The following OVGP1 variants were observed in gnomAD, a reference collection of about 807,000 sequenced individuals.
OVGP1 encodes oviduct-specific glycoprotein.
OVGP1 carries 26 observed loss-of-function variants against 48.2 expected under a neutral mutation model. That is an observed-to-expected ratio of 0.54 (90% CI 0.40 to 0.75). The LOEUF is 0.75. Among genes scored for constraint, OVGP1 ranks in the 30% least tolerant of loss-of-function variants. The probability of loss-of-function intolerance (pLI) is 0.00; values close to 1 mark genes in which losing one functional copy is unlikely to be tolerated. For synonymous variants in OVGP1, 294 were observed against 305.7 expected, an observed-to-expected ratio of 0.96 and a Z score of 0.40; for missense variants, 791 against 820.6, an observed-to-expected ratio of 0.96 and a Z score of 0.44.
chr1:111,427,133 C>A, intron 1 of OVGP1, 42 bp from the exon 2 acceptor site: 1 of 1,613,754 alleles, frequency 6.2e-7, no homozygotes, highest in Non-Finnish European at 8.5e-7. Flanking sequence ...GATTCATACC[C>A]TCACCAGAGT....
intron 8 of OVGP1, among the ~76,000 whole-genome samples, chr1:111,420,386 A>G (rs997044338): frequency 2.6e-5 from 4 of 152,210 alleles, no homozygotes; most frequent in Non-Finnish European, 5.9e-5. Flanking sequence ...CATTGTTTCA[A>G]CTATGCCAGC....
chr1:111,424,066 C>T (rs1652340501), intron 4 of OVGP1, among the ~76,000 whole-genome samples: 1 of 152,240 alleles, frequency 6.6e-6, no homozygotes, highest in African/African-American at 2.4e-5. Context: ...GGCACTGCCC[C>T]TCTCTGTGCT....
intron 9 of OVGP1, among the ~76,000 whole-genome samples, chr1:111,418,170 A>G (rs763762087): frequency 6.2e-4 from 94 of 152,148 alleles, no homozygotes; most frequent in Non-Finnish European, 1.0e-3. Context: ...ACCATCCCCA[A>G]CCTGGCTTCA....
chr1:111,417,257 G>A (rs893914490), intron 9 of OVGP1, among the ~76,000 whole-genome samples: 3 of 152,136 alleles, frequency 2.0e-5, no homozygotes, highest in Non-Finnish European at 4.4e-5. Context: ...TTATCTCACC[G>A]TGATGCTATA....
intron 9 of OVGP1, among the ~76,000 whole-genome samples, chr1:111,417,704 T>C (rs1477684424): frequency 6.6e-6 from 1 of 151,996 alleles, no homozygotes; most frequent in Non-Finnish European, 1.5e-5. Flanking sequence ...GGACAGAATA[T>C]TTATTACTCA....
chr1:111,422,978 G>GAAACAGCAGC lies in OVGP1; in HGVS notation c.547_556dup (p.Ser186CysfsTer15). 2 of 1,614,162 alleles carry GAAACAGCAGC rather than the reference G, an allele frequency of 1.2e-6. No homozygotes were observed. The highest frequency in any genetic ancestry group is 1.7e-6 in the Non-Finnish European group (2 of 1,180,016). On this transcript the variant is annotated frameshift_variant, in exon 6 of 11. Transcript: ENST00000369732. LOFTEE classifies it high-confidence loss of function. ...TGTTTGGACGATGTGTGGGACCCCA[G>GAAACAGCAGC]AAACAGCAGCAGACAGCAGCAGCCT... is the stretch of plus-strand genomic sequence containing the variant.
Position 111,421,687 on chromosome 1 carries a change from G to T in OVGP1, c.609-14C>A. The T allele has an allele frequency of 1.3e-6, 2 of 1,505,614 alleles. No individual in the cohort carries two copies. Among genetic ancestry groups the T allele is most frequent in the Non-Finnish European group, 9.2e-7 (1 of 1,081,338 alleles). 93.3% of individuals were successfully genotyped at this position (1,505,614 alleles called of 1,614,324 possible). A position where few individuals can be genotyped will look rare whatever the true frequency, so the allele number is the denominator to read the frequency against. On this transcript the variant is annotated splice_polypyrimidine_tract_variant and intron_variant, in intron 6 of 10. Coordinates refer to ENST00000369732, the MANE Select transcript of OVGP1 (RefSeq NM_002557.4). ...AAATCCAGGAGTCTGTAAGGGGCAGGAGGAAGAGATATAAAGACTGGGCTA... is the reference window on the plus strand; with the variant it reads ...AAATCCAGGAGTCTGTAAGGGGCAGTAGGAAGAGATATAAAGACTGGGCTA...
At chr1:111,422,393 G>A (rs143058660) in intron 6 of OVGP1, among the ~76,000 whole-genome samples, 1 of 152,254 alleles carries the variant, frequency 6.6e-6, no homozygotes, top group African/African-American at 2.4e-5. Flanking sequence ...GTAAATACTT[G>A]ATTCTCAAAA....
In OVGP1 at chr1:111,415,190, T is replaced by A. The variant is rs778361063; in HGVS notation, c.1311A>T (p.Gly437=). 1.1e-5 allele frequency: 17 copies of A among 1,614,046 alleles called. No homozygotes were observed. In the African/African-American group the frequency reaches 2.3e-4, roughly 22 times the overall value. Residue 437 remains glycine, a synonymous_variant, in exon 11 of 11, where the codon GGA becomes GGT. Coordinates refer to ENST00000369732, the MANE Select transcript of OVGP1 (RefSeq NM_002557.4). ...GGGTTATAGTCATATTTTCACACTT[T>A]CCGTGGATCTCAGTGACCCCAGCCT... ...GGEAGVTEIH[G]KCENMTITPR...
chr1:111,424,113 G>A (rs190047344), intron 4 of OVGP1, among the ~76,000 whole-genome samples: 2 of 152,250 alleles, frequency 1.3e-5, no homozygotes, highest in East Asian at 1.9e-4. Context: ...CCCACAACCT[G>A]TCCTAGCACT....
rs747777332 is a variant in OVGP1 at position 111,415,259 on chromosome 1, G to T, written c.1242C>A (p.Thr414=). The T allele has an allele frequency of 6.2e-6, 10 of 1,613,966 alleles. 1 individual carries two copies. In the Admixed American group the frequency reaches 1.7e-4, roughly 27 times the overall value. Residue 414 remains threonine, a synonymous_variant, in exon 11 of 11, where the codon ACC becomes ACA. Transcript: ENST00000369732. ...TCTTACTATCAGTGGTCCATGCCGT[G>T]GTCACAGCCAGCCTTTCAGGGTCAG... ...SSTDPERLAV[T]TAWTTDSKIL...
At chr1:111,418,365 T>A (rs1652183754) in intron 9 of OVGP1, among the ~76,000 whole-genome samples, 1 of 152,196 alleles carries the variant, frequency 6.6e-6, no homozygotes, top group South Asian at 2.1e-4. Flanking sequence ...CCTGTTTGTG[T>A]CTTCCCATTC....
intron 10 of OVGP1, among the ~76,000 whole-genome samples, 187 bp downstream of exon 10, chr1:111,416,136 G>A (rs1426289361): frequency 6.6e-6 from 1 of 152,160 alleles, no homozygotes; most frequent in Non-Finnish European, 1.5e-5. Context: ...AACAAAGGAA[G>A]CTCAAAGAGG....
chr1:111,424,202 C>T (rs2101728238), intron 4 of OVGP1, among the ~76,000 whole-genome samples: 1 of 152,322 alleles, frequency 6.6e-6, no homozygotes, highest in Middle Eastern at 3.4e-3. Context: ...ATGAGTTAAT[C>T]TGGGCCTGGG....
rs766072842 is a variant in OVGP1 at position 111,426,675 on chromosome 1, A to G, written c.56-34T>C. The G allele has an allele frequency of 2.5e-6, 4 of 1,601,810 alleles. No individual in the cohort carries two copies. The Admixed American group carries it at 5.2e-5, about 21-fold the overall frequency. Reference sequence around the variant, plus strand: ...GGAGAGCACACATTAGTTGGCAAAAACCAAGGGAGGGGATGGAGCTCAGCT... The same window carrying G: ...GGAGAGCACACATTAGTTGGCAAAAGCCAAGGGAGGGGATGGAGCTCAGCT... On this transcript the variant is annotated intron_variant, in intron 2 of 10. Coordinates refer to ENST00000369732, the MANE Select transcript of OVGP1 (RefSeq NM_002557.4).
intron 4 of OVGP1, 98 bp from the exon 5 acceptor site, chr1:111,423,806 C>T: frequency 1.7e-6 from 2 of 1,173,220 alleles, no homozygotes; most frequent in Non-Finnish European, 2.5e-6. Context: ...GTGGGCCTGG[C>T]AGATGTGGCT....
Position 111,421,563 on chromosome 1 carries a change from A to G in OVGP1, c.717+2T>C, listed in dbSNP as rs1652271053. The stretch of plus-strand genomic sequence containing the variant: ...ACCACCTGAGATCTTTCCTTTCCTT[A>G]CCGAAGATTTGGGGTCTTCAGGCAG... On this transcript the variant is annotated splice_donor_variant, in intron 7 of 10. Transcript: ENST00000369732. LOFTEE classifies it high-confidence loss of function. 3 of 1,610,960 alleles carry G rather than the reference A, an allele frequency of 1.9e-6. No homozygotes were observed. The highest frequency in any genetic ancestry group is 2.5e-6 in the Non-Finnish European group (3 of 1,177,184).
Position 111,414,361 on chromosome 1 carries a change from A to G in OVGP1, c.*103T>C. 1.1e-6 allele frequency: 1 copy of G among 952,324 alleles called. No individual in the cohort carries two copies. Among genetic ancestry groups the G allele is most frequent in the Non-Finnish European group, 1.6e-6 (1 of 635,094 alleles). The allele number at this position is 952,324 out of a possible 1,614,324, so 59.0% of individuals were successfully genotyped here. A position where few individuals can be genotyped will look rare whatever the true frequency, so the allele number is the denominator to read the frequency against. On this transcript the variant is annotated 3_prime_UTR_variant, in exon 11 of 11. Coordinates refer to ENST00000369732, the MANE Select transcript of OVGP1 (RefSeq NM_002557.4). Reference sequence around the variant, plus strand: ...TATTTAATGGAAAAGAGATTGGCCTATTCTGGTTTTGATGCCTGCTTTGCC... The same window carrying G: ...TATTTAATGGAAAAGAGATTGGCCTGTTCTGGTTTTGATGCCTGCTTTGCC...
chr1:111,425,550 G>T, intron 3 of OVGP1, 111 bp from the exon 4 acceptor site: 1 of 1,550,150 alleles, frequency 6.5e-7, no homozygotes, highest in South Asian at 1.2e-5. Context: ...AGGAGAGATG[G>T]GAGGTAAGGA....
Sources: gnomAD v4.1 joint callset for allele counts (sites outside exome capture counted in the v4.1 genomes callset) on GRCh38, gnomAD v4.1.1 for gene constraint, MANE v1.5 for transcripts, NCBI Gene and HGNC (gene_info 2026-07-23, HGNC 2026-07-21) for gene names.